Variants in FNBP1 observed in about 807,000 individuals in gnomAD.
FNBP1 encodes the protein formin binding protein 1, also known as formin-binding protein 1.
FNBP1 carries 26 observed loss-of-function variants against 90.6 expected under a neutral mutation model. That is an observed-to-expected ratio of 0.29 (90% CI 0.21 to 0.40). FNBP1 has a LOEUF of 0.40. Among genes scored for constraint, FNBP1 ranks in the 10% least tolerant of loss-of-function variants. The pLI, the probability that FNBP1 is intolerant of heterozygous loss-of-function variation, is 1.00. For missense variants in FNBP1, 635 were observed against 768.0 expected (o/e 0.83, Z 2.05); for synonymous variants, 260 against 265.2 (o/e 0.98, Z 0.19).
chr9:129,914,801 A>C (rs1249914184), intron 11 of FNBP1: 1 of 160,964 alleles, frequency 6.2e-6, no homozygotes, highest in South Asian at 1.3e-4. Context: ...ATATCTCACC[A>C]TAAAATACTA....
At chr9:130,037,595 A>G (rs567633510) in intron 1 of FNBP1, among the ~76,000 whole-genome samples, 1 of 152,344 alleles carries the variant, frequency 6.6e-6, no homozygotes, top group Admixed American at 6.5e-5. Context: ...GCCTAAGTAG[A>G]ATGAACAACA....
rs1221540594 is a variant in FNBP1, at chr9:129,929,691, C to T, written c.518G>A (p.Arg173Gln). 6 of 1,613,706 alleles carry T rather than the reference C, an allele frequency of 3.7e-6. No homozygotes were observed. In the Admixed American group the frequency reaches 6.7e-5, roughly 18 times the overall value. Residue 173 changes from arginine (R) to glutamine (Q), a missense_variant, in exon 7 of 17, where the codon CGA (arginine) becomes CAA (glutamine). Coordinates refer to ENST00000446176, the MANE Select transcript of FNBP1 (RefSeq NM_015033.3). Reference sequence around the variant, plus strand: ...TTGGTGACGTATTTGAGCTTGTTGTCGGGCCTTAGGGCAAAAACAAGAATA... The same window carrying T: ...TTGGTGACGTATTTGAGCTTGTTGTTGGGCCTTAGGGCAAAAACAAGAATA... The part of the protein sequence containing the change: ...NVTKADVEKA[R>Q]QQAQIRHQMA...
In FNBP1 at chr9:129,890,886, G is replaced by A. The variant is rs1241565590; in HGVS notation, c.1847-340C>T. ...GAAACGGAGGCCGGGGCTGGGCGCC[G>A]TGGCTCATGCCTGTAATCCCAGCAC... On this transcript the variant is annotated intron_variant, in intron 16 of 16. Transcript: ENST00000446176. This position sits in a 1 kb window ranked among gnomAD's most constrained non-coding sequence, Gnocchi z 5.8. 6.6e-6 allele frequency among the ~76,000 whole-genome samples: 1 copy of A among 152,214 alleles called. No individual in the cohort carries two copies. The highest frequency in any genetic ancestry group is 1.9e-4 in the East Asian group (1 of 5,186).
At chr9:130,050,312 C>G in the FNBP1 span, among the ~76,000 whole-genome samples, 1 of 152,062 alleles carries the variant, frequency 6.6e-6, no homozygotes, top group African/African-American at 2.4e-5. Context: ...TACATAAAAT[C>G]AAGAAAGACT....
At chr9:129,956,359 T>A (rs557525825) in intron 6 of FNBP1, among the ~76,000 whole-genome samples, 1 of 152,194 alleles carries the variant, frequency 6.6e-6, no homozygotes, top group Non-Finnish European at 1.5e-5. Flanking sequence ...TTCACCCACA[T>A]ACAGCATGAA....
intron 1 of FNBP1, among the ~76,000 whole-genome samples, chr9:129,998,114 T>C (rs1250506538): frequency 7.7e-5 from 11 of 142,516 alleles, no homozygotes; most frequent in Non-Finnish European, 1.5e-4. Context: ...GAGAATCCAC[T>C]GAACTCAGGA....
At chr9:129,958,662 A>C in intron 4 of FNBP1, 109 bp from the exon 5 acceptor site, 1 of 846,538 alleles carries the variant, frequency 1.2e-6, no homozygotes, top group Non-Finnish European at 1.9e-6. Context: ...AACCTCTAGT[A>C]TGTATGCTCC....
Position 129,918,414 on chromosome 9 carries a change from A to T in FNBP1, c.1171-2434T>A, listed in dbSNP as rs149894890. The stretch of plus-strand genomic sequence containing the variant: ...GATTTCATTAAGTGCATTGCTAGAC[A>T]CCTGAAGAATTAAAAAGCTGTCAGT... On this transcript the variant is annotated intron_variant, in intron 10 of 16. Coordinates refer to ENST00000446176, the MANE Select transcript of FNBP1 (RefSeq NM_015033.3). Among the ~76,000 whole-genome samples the T allele has an allele frequency of 8.9e-4, 136 of 152,352 alleles. 2 individuals are homozygous for T. In the East Asian group the frequency reaches 0.019, roughly 22 times the overall value.
intron 1 of FNBP1, among the ~76,000 whole-genome samples, chr9:130,012,223 C>T (rs2056702913): frequency 6.6e-6 from 1 of 152,114 alleles, no homozygotes; most frequent in Non-Finnish European, 1.5e-5. Context: ...ACTAGGTATG[C>T]CACATGAAGC....
At chr9:130,049,027 C>T in the FNBP1 span, among the ~76,000 whole-genome samples, 2 of 152,208 alleles carry the variant, frequency 1.3e-5, no homozygotes, top group South Asian at 4.1e-4. Context: ...GATCCGCCCG[C>T]CTCGGCCTCC....
intron 2 of FNBP1, among the ~76,000 whole-genome samples, chr9:129,993,717 C>T (rs771097935): frequency 9.9e-5 from 15 of 151,558 alleles, no homozygotes; most frequent in Admixed American, 5.3e-4. Flanking sequence ...CTCCACCTCC[C>T]GGGTTCAAGC....
At chr9:129,974,354 A>G (rs1163785647) in intron 4 of FNBP1, among the ~76,000 whole-genome samples, 1 of 152,050 alleles carries the variant, frequency 6.6e-6, no homozygotes, top group East Asian at 1.9e-4. Context: ...AAATCTGGAG[A>G]ACCAGCAGTC....
intron 13 of FNBP1, among the ~76,000 whole-genome samples, chr9:129,901,119 C>T (rs1037094486): frequency 1.3e-5 from 2 of 152,052 alleles, no homozygotes; most frequent in African/African-American, 2.4e-5. Context: ...ATAAAAATGA[C>T]GAGAAGGCCG....
At chr9:129,997,841 CCT>C (rs1452092771) in intron 1 of FNBP1, among the ~76,000 whole-genome samples, 2 of 151,644 alleles carry the variant, frequency 1.3e-5, no homozygotes, top group Non-Finnish European at 2.9e-5. Flanking sequence ...AAAGCAAGAC[CCT>C]GTCTCAAAAA....
chr9:129,896,830 C>G (rs2035849457), intron 15 of FNBP1, among the ~76,000 whole-genome samples: 1 of 152,084 alleles, frequency 6.6e-6, no homozygotes, highest in South Asian at 2.1e-4. Context: ...GAGGTTTCAC[C>G]ATGTTGGTCA....
At chr9:129,911,840 G>T (rs1264343026) in intron 11 of FNBP1, among the ~76,000 whole-genome samples, 4 of 150,696 alleles carry the variant, frequency 2.7e-5, no homozygotes, top group Non-Finnish European at 5.9e-5. Flanking sequence ...GCTGAGGCAG[G>T]AGAATTGCTT....
At chr9:129,969,623 C>T (rs544228990) in intron 4 of FNBP1, among the ~76,000 whole-genome samples, 12 of 152,060 alleles carry the variant, frequency 7.9e-5, no homozygotes, top group African/African-American at 2.2e-4. Flanking sequence ...TTAAACTACA[C>T]TTTTGGCCAG....
Position 129,888,926 on chromosome 9 carries a change from C to G in FNBP1, c.*1613G>C, listed in dbSNP as rs2034895947. On this transcript the variant is annotated 3_prime_UTR_variant, in exon 17 of 17. Transcript: ENST00000446176. ...GAGGAACTGAGGATGCTTGAGGGGA[C>G]CACCTAGTTACCAAAGCCAAGCAAA... 3 of 231,698 alleles carry G rather than the reference C, an allele frequency of 1.3e-5. No homozygotes were observed. The highest frequency in any genetic ancestry group is 5.6e-5 in the Admixed American group (1 of 17,712). The allele number at this position is 231,698 out of a possible 1,614,324, so 14.4% of individuals were successfully genotyped here.
At chr9:129,991,735 C>T (rs767461370) in intron 2 of FNBP1, among the ~76,000 whole-genome samples, 8 of 151,336 alleles carry the variant, frequency 5.3e-5, no homozygotes, top group Non-Finnish European at 7.4e-5. Context: ...TCTTGGCTCA[C>T]GGCAAGCTCT....
Sources: allele counts gnomAD v4.1 joint callset (sites outside exome capture counted in the v4.1 genomes callset), GRCh38; gene constraint gnomAD v4.1.1; non-coding constraint Gnocchi (gnomAD v3.1); transcripts MANE v1.5; gene names NCBI Gene and HGNC (gene_info 2026-07-23, HGNC 2026-07-21).